The following MAPK4 variants were observed in gnomAD, a reference collection of about 807,000 sequenced individuals.
The protein encoded by MAPK4 is Erk3-related.
A neutral mutation model predicts 47.7 loss-of-function variants in MAPK4; 22 were observed. The ratio of observed to expected loss-of-function variants is 0.46; its 90% CI spans 0.33 to 0.66. The LOEUF (loss-of-function observed/expected upper bound fraction) is 0.66, where lower values mean the gene tolerates loss of function less well. MAPK4 is among the 30% of genes least tolerant of loss of function. The pLI is 0.02. For synonymous variants in MAPK4, 390 were observed against 365.7 expected (o/e 1.07, Z -0.76); for missense variants, 736 against 831.7 (o/e 0.88, Z 1.42).
chr18:50,662,916 A>G (rs2144248795), intron 1 of MAPK4, among the ~76,000 whole-genome samples, 173 bp from the exon 2 acceptor site: 1 of 152,344 alleles, frequency 6.6e-6, no homozygotes, highest in South Asian at 2.1e-4. Context: ...GGGGAGTGCT[A>G]CGCACAGCAG....
chr18:50,572,737 C>G (rs192898304), intron 1 of MAPK4, among the ~76,000 whole-genome samples: 1 of 152,162 alleles, frequency 6.6e-6, no homozygotes, highest in Non-Finnish European at 1.5e-5. Flanking sequence ...CCTTCGTTAA[C>G]CAACAAACAA....
chr18:50,567,522 C>T (rs1211254639), intron 1 of MAPK4, among the ~76,000 whole-genome samples: 5 of 152,158 alleles, frequency 3.3e-5, no homozygotes, highest in Admixed American at 3.3e-4. Flanking sequence ...GATGTGTATG[C>T]ATTGTGTTCA....
intron 1 of MAPK4, among the ~76,000 whole-genome samples, chr18:50,592,894 C>A (rs2149368251): frequency 6.6e-6 from 1 of 152,336 alleles, no homozygotes; most frequent in South Asian, 2.1e-4. Context: ...TAGCATCTCG[C>A]AGCATTGTCC....
intron 1 of MAPK4, among the ~76,000 whole-genome samples, chr18:50,624,935 G>T (rs2042763669): frequency 1.3e-5 from 2 of 152,012 alleles, no homozygotes; most frequent in Admixed American, 1.3e-4. Flanking sequence ...AGAGTGTTGG[G>T]TCAGCTCTAA....
At chr18:50,690,362 C>A (rs16952409) in intron 2 of MAPK4, among the ~76,000 whole-genome samples, 3,080 of 152,290 alleles carry the variant, frequency 0.02, 83 homozygotes, top group African/African-American at 0.061. Flanking sequence ...TAAATGCAAA[C>A]CATACCAATT....
intron 1 of MAPK4, among the ~76,000 whole-genome samples, chr18:50,634,775 C>T (rs989444957): frequency 2.6e-5 from 4 of 152,136 alleles, no homozygotes; most frequent in Non-Finnish European, 5.9e-5. Context: ...TCCCATTATA[C>T]CAATGTGCTT....
chr18:50,670,033 C>G (rs2144274753), intron 2 of MAPK4, among the ~76,000 whole-genome samples: 1 of 152,234 alleles, frequency 6.6e-6, no homozygotes, highest in African/African-American at 2.4e-5. Flanking sequence ...GTGGCGGGCA[C>G]CTGTAGTCCC....
At chr18:50,579,047 C>T (rs903970683) in intron 1 of MAPK4, among the ~76,000 whole-genome samples, 1 of 152,184 alleles carries the variant, frequency 6.6e-6, no homozygotes, top group Non-Finnish European at 1.5e-5. Context: ...GGAGGGGCAG[C>T]TTAGTCTGGA....
At position 50,622,698 on chromosome 18, in the gene MAPK4, C is replaced by T. The variant is rs1044171067; in HGVS notation, c.-870-40391C>T. Among the ~76,000 whole-genome samples the T allele has an allele frequency of 9.2e-5, 14 of 152,172 alleles. 1 individual carries two copies. In the East Asian group the frequency reaches 1.2e-3, roughly 13 times the overall value. On this transcript the variant is annotated intron_variant, in intron 1 of 5. Coordinates refer to ENST00000400384, the MANE Select transcript of MAPK4 (RefSeq NM_002747.4). ...CAGGGTCCCTGATTTGTGACTTGGA[C>T]GCAGGCAGAATAGGTTTGGAACTAC...
chr18:50,715,301 C>G, intron 3 of MAPK4, 78 bp downstream of exon 3: 1 of 1,465,098 alleles, frequency 6.8e-7, no homozygotes, highest in Admixed American at 2.2e-5. Flanking sequence ...AAAACACTTA[C>G]AATCACAAAA....
At chr18:50,672,269 T>C (rs974377062) in intron 2 of MAPK4, among the ~76,000 whole-genome samples, 3 of 152,174 alleles carry the variant, frequency 2.0e-5, no homozygotes, top group African/African-American at 7.2e-5. Context: ...GAAAATGAGC[T>C]TGTGGAAGGG....
chr18:50,724,218 C>T (rs562096293), intron 4 of MAPK4, among the ~76,000 whole-genome samples: 1 of 152,252 alleles, frequency 6.6e-6, no homozygotes, highest in East Asian at 1.9e-4. Context: ...ACTACTGGCC[C>T]ACCTGGCCAA....
At chr18:50,655,214 G>T (rs1036607052) in intron 1 of MAPK4, among the ~76,000 whole-genome samples, 1 of 152,208 alleles carries the variant, frequency 6.6e-6, no homozygotes, top group Non-Finnish European at 1.5e-5. Context: ...AGGCTCACAC[G>T]TCCCAGGGGG....
At chr18:50,601,731 A>G (rs921968351) in intron 1 of MAPK4, among the ~76,000 whole-genome samples, 2 of 151,726 alleles carry the variant, frequency 1.3e-5, no homozygotes, top group African/African-American at 2.4e-5. Context: ...TCCTATTGAG[A>G]CTCTGTGTGT....
intron 1 of MAPK4, among the ~76,000 whole-genome samples, chr18:50,566,615 A>T (rs1438132817): frequency 6.6e-6 from 1 of 152,232 alleles, no homozygotes; most frequent in Non-Finnish European, 1.5e-5. Flanking sequence ...CTACTCATTA[A>T]TTCGAACTGA....
intron 1 of MAPK4, among the ~76,000 whole-genome samples, chr18:50,581,877 A>T (rs2042348953): frequency 6.6e-6 from 1 of 152,234 alleles, no homozygotes; most frequent in African/African-American, 2.4e-5. Flanking sequence ...AGGCAAATGA[A>T]ACTTTTAATA....
intron 1 of MAPK4, among the ~76,000 whole-genome samples, chr18:50,562,522 C>T (rs1364689670): frequency 6.6e-6 from 1 of 152,096 alleles, no homozygotes; most frequent in Admixed American, 6.5e-5. Flanking sequence ...CAGCCCCTCA[C>T]TCCAAACTGA....
At chr18:50,599,626 C>T (rs2042517415) in intron 1 of MAPK4, among the ~76,000 whole-genome samples, 1 of 152,026 alleles carries the variant, frequency 6.6e-6, no homozygotes, top group African/African-American at 2.4e-5. Flanking sequence ...GCCATGTTGC[C>T]CAGGCTGGTC....
chr18:50,644,306 C>T (rs191899685), intron 1 of MAPK4, among the ~76,000 whole-genome samples: 1,615 of 151,218 alleles, frequency 0.011, 16 homozygotes, highest in Non-Finnish European at 0.015. Flanking sequence ...GACTGAGGGT[C>T]GGGGGATGGG....
Sources: allele counts gnomAD v4.1 joint callset (sites outside exome capture counted in the v4.1 genomes callset), GRCh38; gene constraint gnomAD v4.1.1; transcripts MANE v1.5; gene names NCBI Gene and HGNC (gene_info 2026-07-23, HGNC 2026-07-21).